PRDM10: variants seen among roughly 807,000 people sequenced by gnomAD.
The protein encoded by PRDM10 is PR/SET domain 10.
In PRDM10, 65 loss-of-function variants were observed where a neutral mutation model predicts 133.1. That is an observed-to-expected ratio of 0.49 (90% CI 0.40 to 0.60). The LOEUF is 0.60. PRDM10 is among the 20% of genes least tolerant of loss of function. The probability of loss-of-function intolerance (pLI) is 0.00; values close to 1 mark genes in which losing one functional copy is unlikely to be tolerated. For synonymous variants in PRDM10, 582 were observed against 580.4 expected, an observed-to-expected ratio of 1.00 and a Z score of -0.04; for missense variants, 1,137 against 1,507.1, an observed-to-expected ratio of 0.75 and a Z score of 4.07.
intron 4 of PRDM10, among the ~76,000 whole-genome samples, chr11:129,950,930 A>C (rs1165602647): frequency 6.6e-6 from 1 of 152,188 alleles, no homozygotes; most frequent in African/African-American, 2.4e-5. Flanking sequence ...ACCGGCCTTC[A>C]CTTCCCCATG....
In PRDM10 at chr11:129,924,907, T is replaced by A; in HGVS notation, c.1853A>T (p.Lys618Met). 6.2e-7 allele frequency: 1 copy of A among 1,610,100 alleles called. No individual in the cohort carries two copies. Among genetic ancestry groups the A allele is most frequent in the Non-Finnish European group, 8.5e-7 (1 of 1,178,110 alleles). The stretch of plus-strand genomic sequence containing the variant: ...CTGGATAAAATCTGGGAACCGTTTC[T>A]TACAAGTTGGGCAGGTGAAGTAGCC... ...NDGYFTCPTCKKRFPDFIQVK... is the reference protein window; with the variant it reads ...NDGYFTCPTCMKRFPDFIQVK... The change falls in exon 12 of 21, where the codon AAG becomes ATG. Residue 618 changes from lysine to methionine, a missense_variant. By Grantham distance (95) the Lys-to-Met change is moderately conservative (BLOSUM62 -1). This residue lies in a region of PRDM10 where 635 missense variants were observed against 835.2 expected (regional missense o/e 0.76). Transcript: ENST00000360871.
At chr11:129,994,765 C>A (rs563275067) in intron 1 of PRDM10, among the ~76,000 whole-genome samples, 10 of 151,974 alleles carry the variant, frequency 6.6e-5, no homozygotes, top group South Asian at 2.1e-4. Flanking sequence ...CATTCTCCTG[C>A]CTCATCCTCC....
intron 1 of PRDM10, among the ~76,000 whole-genome samples, chr11:130,001,330 C>A (rs893406993): frequency 6.6e-6 from 1 of 151,922 alleles, no homozygotes; most frequent in African/African-American, 2.4e-5. Flanking sequence ...TGCCTTACAG[C>A]GATGGAGGAG....
At chr11:129,925,284 G>T in intron 11 of PRDM10, 55 bp from the exon 12 acceptor site, 5 of 1,470,274 alleles carry the variant, frequency 3.4e-6, no homozygotes, top group Non-Finnish European at 4.6e-6. Context: ...AGTGCAACTG[G>T]ATCACACTTT....
intron 19 of PRDM10, among the ~76,000 whole-genome samples, chr11:129,907,468 G>C (rs976586753): frequency 6.6e-6 from 1 of 152,102 alleles, no homozygotes; most frequent in South Asian, 2.1e-4. Context: ...GCAGTGCCGC[G>C]ATCTCGGCTC....
intron 1 of PRDM10, among the ~76,000 whole-genome samples, chr11:129,968,467 G>T (rs1313486165): frequency 4.6e-5 from 7 of 152,098 alleles, no homozygotes; most frequent in Admixed American, 4.6e-4. Flanking sequence ...CTGGGGAGGG[G>T]GTTGTGGATG....
intron 1 of PRDM10, among the ~76,000 whole-genome samples, chr11:129,979,500 C>CA (rs1259691820): frequency 6.6e-6 from 1 of 152,142 alleles, no homozygotes; most frequent in Admixed American, 6.5e-5. Context: ...TGTGACCTTC[C>CA]AGGGTTGCAA....
chr11:129,910,562 G>A lies in PRDM10; in HGVS notation c.3077C>T (p.Ala1026Val), dbSNP rs1950156204. ...IQGSSSTQGQALQQQQQQQQN... is the reference protein window; with the variant it reads ...IQGSSSTQGQVLQQQQQQQQN... ...CTGCTGCTGCTGCTGCTGCTGCAGA[G>A]CCTGCCCCTGTGTGGAAGAACTGCC... Residue 1026 changes from alanine to valine, a missense_variant, in exon 19 of 21, where the codon GCT (alanine) becomes GTT (valine). Physicochemically the swap from Ala to Val is moderately conservative, Grantham distance 64. Coordinates refer to ENST00000360871, the MANE Select transcript of PRDM10 (RefSeq NM_199437.2). 8.1e-6 allele frequency: 13 copies of A among 1,613,658 alleles called. No individual in the cohort carries two copies. Among genetic ancestry groups the A allele is most frequent in the African/African-American group, 1.3e-5 (1 of 74,902 alleles).
At chr11:129,910,307 G>C (rs1372891329) in intron 19 of PRDM10, among the ~76,000 whole-genome samples, 169 bp downstream of exon 19, 1 of 152,178 alleles carries the variant, frequency 6.6e-6, no homozygotes, top group Non-Finnish European at 1.5e-5. Flanking sequence ...TGTGAAAGCG[G>C]AATGCTACAC....
intron 19 of PRDM10, among the ~76,000 whole-genome samples, chr11:129,906,186 G>A (rs1177450270): frequency 6.6e-6 from 1 of 152,142 alleles, no homozygotes; most frequent in Non-Finnish European, 1.5e-5. Flanking sequence ...GCCCACCCTA[G>A]CATCTTGTTG....
intron 1 of PRDM10, among the ~76,000 whole-genome samples, chr11:129,977,800 CA>C (rs1197715440): frequency 6.6e-6 from 1 of 151,910 alleles, no homozygotes; most frequent in Non-Finnish European, 1.5e-5. Flanking sequence ...ACAAAAAATG[CA>C]AAAAACTAGG....
At chr11:129,922,839 A>T (rs929031906) in intron 13 of PRDM10, among the ~76,000 whole-genome samples, 3 of 152,112 alleles carry the variant, frequency 2.0e-5, no homozygotes, top group African/African-American at 7.2e-5. Context: ...CAGATTTCCC[A>T]CCTGAATTAG....
At chr11:129,915,613 C>T (rs1162310017) in intron 16 of PRDM10, 47 bp downstream of exon 16, 1 of 1,516,428 alleles carries the variant, frequency 6.6e-7, no homozygotes, top group Non-Finnish European at 8.8e-7. Context: ...TAAGAGATTC[C>T]TCGCATGGCG....
Position 129,918,444 on chromosome 11 carries a change from T to A in PRDM10, c.2214+95A>T, listed in dbSNP as rs975050360. ...ACATTGACAAAACCATTGATCGATA[T>A]AACTTAGGACACAATGCAACACAAA... On this transcript the variant is annotated intron_variant, in intron 14 of 20. Transcript: ENST00000360871. This position sits in a 1 kb window ranked among gnomAD's most constrained non-coding sequence, Gnocchi z 5.3. The A allele has an allele frequency of 3.6e-6, 5 of 1,398,674 alleles. No individual in the cohort carries two copies. The highest frequency in any genetic ancestry group is 1.5e-5 in the African/African-American group (1 of 68,840). 86.6% of individuals were successfully genotyped at this position (1,398,674 alleles called of 1,614,324 possible). A position where few individuals can be genotyped will look rare whatever the true frequency, so the allele number is the denominator to read the frequency against.
chr11:129,907,099 T>C (rs545357698), intron 19 of PRDM10, among the ~76,000 whole-genome samples: 1 of 152,180 alleles, frequency 6.6e-6, no homozygotes, highest in East Asian at 1.9e-4. Context: ...CTGAACATTA[T>C]GTGCTCTTGA....
At chr11:129,970,580 T>G (rs1951998658) in intron 1 of PRDM10, among the ~76,000 whole-genome samples, 2 of 151,902 alleles carry the variant, frequency 1.3e-5, no homozygotes, top group African/African-American at 4.8e-5. Context: ...GAGTTTCGCT[T>G]GTTGCCCAGG....
At chr11:129,932,339 T>TA in intron 9 of PRDM10, 108 bp from the exon 10 acceptor site, 1 of 1,351,886 alleles carries the variant, frequency 7.4e-7, no homozygotes, top group Non-Finnish European at 9.9e-7. Flanking sequence ...CCTCTCACCT[T>TA]ATTACTTTCC....
intron 11 of PRDM10, 94 bp downstream of exon 11, chr11:129,930,922 G>T: frequency 6.8e-7 from 1 of 1,478,334 alleles, no homozygotes. Context: ...AGATTTCAGA[G>T]AGGAAGGTGA....
In PRDM10 at chr11:129,922,129, A is replaced by G. The variant is rs190684037; in HGVS notation, c.2034+1119T>C. ...TCCTGTAAGAAAATCTTCTTCTGTA[A>G]CATTCACAGTGGCTTTGCTTCCCTG... On this transcript the variant is annotated intron_variant, in intron 13 of 20. Transcript: ENST00000360871. Among the ~76,000 whole-genome samples the G allele has an allele frequency of 1.6e-3, 243 of 152,350 alleles. 1 individual carries two copies. Among genetic ancestry groups the G allele is most frequent in the African/African-American group, 5.5e-3 (227 of 41,570 alleles).
Sources: gnomAD v4.1 joint callset for allele counts (sites outside exome capture counted in the v4.1 genomes callset) on GRCh38, gnomAD v4.1.1 for gene constraint, gnomAD v4.1.1 regional missense constraint, Gnocchi (gnomAD v3.1) non-coding constraint, MANE v1.5 for transcripts, NCBI Gene and HGNC (gene_info 2026-07-23, HGNC 2026-07-21) for gene names.